Variants in LRRTM4 observed in about 807,000 individuals in gnomAD.
The protein encoded by LRRTM4 is leucine rich repeat transmembrane neuronal 4, also known as leucine-rich repeat transmembrane neuronal protein 4.
Under a neutral mutation model 47.6 loss-of-function variants are expected in LRRTM4, and 25 were observed. That is an observed-to-expected ratio of 0.53 (90% CI 0.38 to 0.73). LRRTM4 has a LOEUF of 0.73. Ranked by LOEUF, LRRTM4 falls within the 30% of genes least tolerant of loss-of-function variation. The pLI, the probability that LRRTM4 is intolerant of heterozygous loss-of-function variation, is 0.00. For missense variants in LRRTM4, 638 were observed against 713.4 expected (o/e 0.89, Z 1.20); for synonymous variants, 311 against 269.5 (o/e 1.15, Z -1.51).
chr2:77,173,168 G>A (rs574648485), intron 3 of LRRTM4, among the ~76,000 whole-genome samples: 4 of 152,246 alleles, frequency 2.6e-5, no homozygotes, highest in Non-Finnish European at 4.4e-5. Flanking sequence ...GGGATTAGGT[G>A]GCAGAATCCT....
intron 3 of LRRTM4, among the ~76,000 whole-genome samples, chr2:77,469,646 G>A (rs1677108937): frequency 6.6e-6 from 1 of 152,114 alleles, no homozygotes; most frequent in Non-Finnish European, 1.5e-5. Context: ...GATGAATTGT[G>A]GCAAACTAAA....
chr2:77,014,093 GA>G (rs1252837275), intron 3 of LRRTM4, among the ~76,000 whole-genome samples: 7 of 152,142 alleles, frequency 4.6e-5, no homozygotes, highest in Non-Finnish European at 8.8e-5. Context: ...AAATCTGCAT[GA>G]TGAGTATGAA....
chr2:77,279,102 A>C (rs1676441881), intron 3 of LRRTM4, among the ~76,000 whole-genome samples: 1 of 151,974 alleles, frequency 6.6e-6, no homozygotes, highest in Admixed American at 6.6e-5. Context: ...AACTATAAAC[A>C]TTGGAGGTCC....
In LRRTM4 at chr2:76,898,170, A is replaced by G. The variant is rs1412028060; in HGVS notation, c.1552-149254T>C. On this transcript the variant is annotated intron_variant, in intron 3 of 3. Coordinates refer to ENST00000409884, the MANE Select transcript of LRRTM4 (RefSeq NM_001134745.3). ...TGTTTTTAAACTCTGTATGAAAATAAAATACATGCTCATTATGTAGAGACT... is the reference window on the plus strand; with the variant it reads ...TGTTTTTAAACTCTGTATGAAAATAGAATACATGCTCATTATGTAGAGACT... 2.6e-4 allele frequency among the ~76,000 whole-genome samples: 39 copies of G among 151,468 alleles called. No individual in the cohort carries two copies. The Admixed American group carries it at 2.6e-3, about 10-fold the overall frequency.
intron 3 of LRRTM4, among the ~76,000 whole-genome samples, chr2:77,183,161 G>T (rs1673397458): frequency 6.6e-6 from 1 of 152,086 alleles, no homozygotes. Context: ...TACAGAATGG[G>T]AGAAAATTTT....
chr2:76,972,501 T>G (rs1481179157), intron 3 of LRRTM4, among the ~76,000 whole-genome samples: 3 of 141,436 alleles, frequency 2.1e-5, no homozygotes, highest in Admixed American at 1.6e-4. Flanking sequence ...CACTGCAACC[T>G]CTGCCTCCTG....
rs774313711 is a variant in LRRTM4, at chr2:77,519,942, G to T, written c.5-78C>A. 1.4e-6 allele frequency: 2 copies of T among 1,463,230 alleles called. No individual in the cohort carries two copies. The highest frequency in any genetic ancestry group is 1.4e-5 in the African/African-American group (1 of 70,256). The allele number at this position is 1,463,230 out of a possible 1,614,324, so 90.6% of individuals were successfully genotyped here. On this transcript the variant is annotated intron_variant, in intron 2 of 3. Coordinates refer to ENST00000409884, the MANE Select transcript of LRRTM4 (RefSeq NM_001134745.3). This position sits in a 1 kb window ranked among gnomAD's most constrained non-coding sequence, Gnocchi z 4.6. Reference sequence around the variant, plus strand: ...CACCGTCGGTTTACCAACAACAGGGGCATTTCCTCTAGTGTAGGAATGGGA... The same window carrying T: ...CACCGTCGGTTTACCAACAACAGGGTCATTTCCTCTAGTGTAGGAATGGGA...
intron 3 of LRRTM4, among the ~76,000 whole-genome samples, chr2:77,218,852 T>C (rs1171156663): frequency 1.3e-5 from 2 of 152,302 alleles, no homozygotes; most frequent in African/African-American, 2.4e-5. Flanking sequence ...CTGAGCATTG[T>C]TGATGCTGAG....
intron 3 of LRRTM4, among the ~76,000 whole-genome samples, chr2:77,150,473 A>C (rs1672386245): frequency 6.6e-6 from 1 of 152,192 alleles, no homozygotes; most frequent in Non-Finnish European, 1.5e-5. Context: ...GAAGAGAGAC[A>C]CCGATTGACT....
chr2:76,814,699 T>C (rs768947498), intron 3 of LRRTM4, among the ~76,000 whole-genome samples: 2 of 151,904 alleles, frequency 1.3e-5, no homozygotes, highest in Non-Finnish European at 2.9e-5. Context: ...TGAGTATCCC[T>C]GAATTTTGGT....
chr2:76,782,852 G>A (rs1001168560), intron 3 of LRRTM4, among the ~76,000 whole-genome samples: 7 of 152,074 alleles, frequency 4.6e-5, no homozygotes, highest in South Asian at 2.1e-4. Context: ...AATTAGTTAC[G>A]TATTTTAGAA....
At chr2:76,787,220 A>T (rs767575841) in intron 3 of LRRTM4, among the ~76,000 whole-genome samples, 7 of 151,960 alleles carry the variant, frequency 4.6e-5, no homozygotes, top group African/African-American at 7.2e-5. Flanking sequence ...TCTGGGAAAC[A>T]TGTTGATTGT....
intron 3 of LRRTM4, among the ~76,000 whole-genome samples, chr2:76,885,442 A>G (rs1168382098): frequency 6.6e-6 from 1 of 151,626 alleles, no homozygotes; most frequent in Non-Finnish European, 1.5e-5. Flanking sequence ...AAGCAGGAAG[A>G]AAGTTTTGAC....
intron 3 of LRRTM4, among the ~76,000 whole-genome samples, chr2:77,432,796 A>G (rs1252764317): frequency 6.6e-6 from 1 of 152,224 alleles, no homozygotes; most frequent in Non-Finnish European, 1.5e-5. Flanking sequence ...TGGTAAGAAG[A>G]GTCAGAGTCC....
intron 3 of LRRTM4, among the ~76,000 whole-genome samples, chr2:76,893,283 CAA>C (rs1673311925): frequency 6.6e-6 from 1 of 151,448 alleles, no homozygotes; most frequent in Non-Finnish European, 1.5e-5. Flanking sequence ...TTCTAATTTT[CAA>C]AAGTTATATC....
chr2:76,979,716 AG>A (rs1676540869), intron 3 of LRRTM4, among the ~76,000 whole-genome samples: 1 of 151,782 alleles, frequency 6.6e-6, no homozygotes, highest in Non-Finnish European at 1.5e-5. Context: ...ATAGATAGAT[AG>A]ATAGATAGAT....
intron 3 of LRRTM4, among the ~76,000 whole-genome samples, chr2:77,029,083 T>TATTA (rs1491534209): frequency 4.1e-5 from 6 of 145,562 alleles, no homozygotes; most frequent in African/African-American, 1.5e-4. Context: ...TATATATATA[T>TATTA]TATATATATA....
intron 3 of LRRTM4, among the ~76,000 whole-genome samples, chr2:77,354,741 A>T (rs1671908493): frequency 6.6e-6 from 1 of 152,156 alleles, no homozygotes; most frequent in South Asian, 2.1e-4. Context: ...CTGGCCTTTC[A>T]TACTTCCACA....
At chr2:77,489,078 C>T (rs1474731858) in intron 3 of LRRTM4, among the ~76,000 whole-genome samples, 2 of 152,078 alleles carry the variant, frequency 1.3e-5, no homozygotes, top group Admixed American at 1.3e-4. Flanking sequence ...CAAAAACCTA[C>T]TATTTTATCT....
Sources: gnomAD v4.1 joint callset for allele counts (sites outside exome capture counted in the v4.1 genomes callset) on GRCh38, gnomAD v4.1.1 for gene constraint, Gnocchi (gnomAD v3.1) non-coding constraint, MANE v1.5 for transcripts, NCBI Gene and HGNC (gene_info 2026-07-23, HGNC 2026-07-21) for gene names.